KIT: variants seen among roughly 807,000 people sequenced by gnomAD.
KIT encodes KIT proto-oncogene, receptor tyrosine kinase, also known as mast/stem cell growth factor receptor Kit.
KIT carries 16 observed loss-of-function variants against 105.7 expected under a neutral mutation model. That is an observed-to-expected ratio of 0.15 (90% CI 0.10 to 0.23). The LOEUF (loss-of-function observed/expected upper bound fraction) is 0.23. Ranked by LOEUF, KIT falls within the 10% of genes least tolerant of loss-of-function variation. The pLI is 1.00. For missense variants in KIT, 858 were observed against 1,213.8 expected, an observed-to-expected ratio of 0.71 and a Z score of 4.36; for synonymous variants, 438 against 441.1, an observed-to-expected ratio of 0.99 and a Z score of 0.09.
intron 7 of KIT, among the ~76,000 whole-genome samples, chr4:54,721,546 T>C (rs1721875086): frequency 6.6e-6 from 1 of 152,190 alleles, no homozygotes; most frequent in Non-Finnish European, 1.5e-5. Flanking sequence ...TTTGGAGAGT[T>C]TCTCTTTTGT....
At chr4:54,699,480 A>G in intron 3 of KIT, 150 bp from the exon 4 acceptor site, 1 of 795,178 alleles carries the variant, frequency 1.3e-6, no homozygotes, top group Non-Finnish European at 2.0e-6. Flanking sequence ...ACCTTCAGAT[A>G]TGCAAGTAGT....
chr4:54,658,746 T>C (rs1287277442), intron 1 of KIT, among the ~76,000 whole-genome samples: 2 of 151,696 alleles, frequency 1.3e-5, no homozygotes, highest in Admixed American at 1.3e-4. Context: ...CGTGGGGCTG[T>C]TGTGGGGCCG....
At chr4:54,670,836 G>A (rs980695910) in intron 1 of KIT, among the ~76,000 whole-genome samples, 1 of 152,128 alleles carries the variant, frequency 6.6e-6, no homozygotes. Context: ...GGCTTGCTGG[G>A]TTTCACCACT....
At chr4:54,708,642 G>A (rs763896818) in intron 6 of KIT, among the ~76,000 whole-genome samples, 3 of 152,172 alleles carry the variant, frequency 2.0e-5, no homozygotes, top group African/African-American at 4.8e-5. Flanking sequence ...AAGTAAAGAC[G>A]TGAAGGTTGT....
intron 1 of KIT, among the ~76,000 whole-genome samples, chr4:54,694,599 C>T (rs772018456): frequency 1.3e-5 from 2 of 152,074 alleles, no homozygotes; most frequent in Admixed American, 6.6e-5. Context: ...AGGCTGGTCT[C>T]GAACTCCTAG....
chr4:54,713,256 C>T (rs1350628556), intron 7 of KIT, among the ~76,000 whole-genome samples: 1 of 151,948 alleles, frequency 6.6e-6, no homozygotes, highest in Non-Finnish European at 1.5e-5. Context: ...TTATCCCTCA[C>T]CCCCCTCCCA....
chr4:54,669,211 A>ACCC (rs11345859), intron 1 of KIT, among the ~76,000 whole-genome samples: 8 of 147,300 alleles, frequency 5.4e-5, no homozygotes, highest in African/African-American at 1.7e-4. Flanking sequence ...ATAAAAGAGG[A>ACCC]CCCCCCCCCC....
chr4:54,688,000 C>A (rs1386782741), intron 1 of KIT, among the ~76,000 whole-genome samples: 2 of 152,156 alleles, frequency 1.3e-5, no homozygotes, highest in Non-Finnish European at 2.9e-5. Flanking sequence ...GTGCATTGAG[C>A]TCCCCATAGT....
At chr4:54,708,119 G>A (rs1437958069) in intron 6 of KIT, among the ~76,000 whole-genome samples, 1 of 152,140 alleles carries the variant, frequency 6.6e-6, no homozygotes, top group African/African-American at 2.4e-5. Context: ...GAGGCAGGGA[G>A]GAGTTGAAGA....
intron 4 of KIT, among the ~76,000 whole-genome samples, chr4:54,701,331 G>T (rs969641864): frequency 3.3e-5 from 5 of 152,134 alleles, no homozygotes; most frequent in Non-Finnish European, 7.4e-5. Context: ...ATCTTTTATT[G>T]ATATCTTTTG....
At chr4:54,676,032 T>G (rs1718440135) in intron 1 of KIT, among the ~76,000 whole-genome samples, 1 of 152,182 alleles carries the variant, frequency 6.6e-6, no homozygotes, top group South Asian at 2.1e-4. Flanking sequence ...GCTAGGCCGA[T>G]TTCTAGGTGT....
intron 2 of KIT, 100 bp downstream of exon 2, chr4:54,695,881 T>TTTA: frequency 2.1e-6 from 3 of 1,439,686 alleles, no homozygotes; most frequent in Non-Finnish European, 1.9e-6. Context: ...GATAAAATAT[T>TTTA]TCTGGCTGGG....
chr4:54,668,719 C>T (rs1487508817), intron 1 of KIT, among the ~76,000 whole-genome samples: 1 of 152,174 alleles, frequency 6.6e-6, no homozygotes, highest in Non-Finnish European at 1.5e-5. Flanking sequence ...TGGCAGGAGA[C>T]GTTGGCTGTC....
intron 7 of KIT, among the ~76,000 whole-genome samples, chr4:54,720,999 C>G (rs1721834803): frequency 6.6e-6 from 1 of 152,188 alleles, no homozygotes; most frequent in Admixed American, 6.5e-5. Flanking sequence ...TCTTGTGACT[C>G]TATAATTGAA....
chr4:54,732,587 C>T (rs969021393), intron 16 of KIT, among the ~76,000 whole-genome samples: 3 of 152,032 alleles, frequency 2.0e-5, no homozygotes, highest in African/African-American at 7.3e-5. Flanking sequence ...AGTTACCAGT[C>T]CTACCCTTAA....
intron 1 of KIT, among the ~76,000 whole-genome samples, chr4:54,686,143 C>T (rs1450665579): frequency 1.3e-5 from 2 of 152,044 alleles, no homozygotes; most frequent in Non-Finnish European, 2.9e-5. Context: ...AGCTTTATTT[C>T]TCTGTTCTGT....
intron 1 of KIT, among the ~76,000 whole-genome samples, chr4:54,685,971 G>A (rs1397179193): frequency 6.6e-6 from 1 of 152,174 alleles, no homozygotes; most frequent in Non-Finnish European, 1.5e-5. Context: ...TGGTAATTAT[G>A]TGAGTCTGTC....
At chr4:54,682,095 T>C (rs1262892886) in intron 1 of KIT, among the ~76,000 whole-genome samples, 4 of 150,568 alleles carry the variant, frequency 2.7e-5, no homozygotes, top group African/African-American at 9.8e-5. Flanking sequence ...ATTTTCTTTT[T>C]TTTTTTTTTT....
intron 4 of KIT, among the ~76,000 whole-genome samples, chr4:54,701,804 A>C (rs942528118): frequency 1.4e-4 from 21 of 152,362 alleles, no homozygotes; most frequent in African/African-American, 3.8e-4. Flanking sequence ...CTGTGAAACT[A>C]TGAACTGGGA....
Sources: gnomAD v4.1 joint callset for allele counts (sites outside exome capture counted in the v4.1 genomes callset) on GRCh38, gnomAD v4.1.1 for gene constraint, MANE v1.5 for transcripts, NCBI Gene and HGNC (gene_info 2026-07-23, HGNC 2026-07-21) for gene names.